Variants in NPAS3 observed in about 807,000 individuals in gnomAD.
The protein encoded by NPAS3 is neuronal PAS domain protein 3, also known as neuronal PAS domain-containing protein 3.
Under a neutral mutation model 73.1 loss-of-function variants are expected in NPAS3, and 14 were observed. The observed-to-expected ratio is 0.19, with a 90% CI of 0.13 to 0.30. The LOEUF (loss-of-function observed/expected upper bound fraction) is 0.30, where lower values mean the gene tolerates loss of function less well. Ranked by LOEUF, NPAS3 falls within the 10% of genes least tolerant of loss-of-function variation. NPAS3 has a pLI of 1.00. For synonymous variants in NPAS3, 620 were observed against 541.5 expected, an observed-to-expected ratio of 1.14 and a Z score of -2.01; for missense variants, 1,096 against 1,250.0, an observed-to-expected ratio of 0.88 and a Z score of 1.86.
chr14:33,685,577 A>G (rs192000975), intron 6 of NPAS3, among the ~76,000 whole-genome samples: 1 of 152,304 alleles, frequency 6.6e-6, no homozygotes, highest in African/African-American at 2.4e-5. Context: ...GTCCTGAGTG[A>G]GAGGTACCCC....
At chr14:33,050,488 G>A (rs1027715331) in intron 1 of NPAS3, among the ~76,000 whole-genome samples, 6 of 152,080 alleles carry the variant, frequency 3.9e-5, no homozygotes, top group Admixed American at 1.3e-4. Context: ...GGCTGTCTCC[G>A]AATTCTGCTC....
chr14:33,170,050 A>G (rs2045330239), intron 2 of NPAS3, among the ~76,000 whole-genome samples: 1 of 152,148 alleles, frequency 6.6e-6, no homozygotes, highest in Non-Finnish European at 1.5e-5. Context: ...TGCTGGGCAG[A>G]GGGGGTGTAC....
Position 33,032,190 on chromosome 14 carries a change from C to T in NPAS3, c.51-23715C>T, listed in dbSNP as rs979011209. ...AAATGTAGGAGGATTGTACATGATGCGGCTGAAGATTGCCAGACTGAACAT... is the reference window on the plus strand; with the variant it reads ...AAATGTAGGAGGATTGTACATGATGTGGCTGAAGATTGCCAGACTGAACAT... On this transcript the variant is annotated intron_variant, in intron 1 of 11. Coordinates refer to ENST00000356141, the Ensembl canonical transcript of NPAS3. 5.3e-5 allele frequency among the ~76,000 whole-genome samples: 8 copies of T among 152,254 alleles called. No homozygotes were observed. The East Asian group carries it at 5.8e-4, about 11-fold the overall frequency.
chr14:33,623,702 C>T (rs2058144681), intron 5 of NPAS3, among the ~76,000 whole-genome samples: 1 of 152,188 alleles, frequency 6.6e-6, no homozygotes, highest in African/African-American at 2.4e-5. Flanking sequence ...CCAAGGCCTC[C>T]TCCCCACACA....
chr14:33,667,174 G>A, intron 5 of NPAS3, among the ~76,000 whole-genome samples: 1 of 141,962 alleles, frequency 7.0e-6, no homozygotes, highest in Middle Eastern at 3.7e-3. Flanking sequence ...TGGTGGTAAT[G>A]TATACTTATA....
At chr14:33,502,595 C>T (rs1026652755) in intron 4 of NPAS3, among the ~76,000 whole-genome samples, 1 of 151,734 alleles carries the variant, frequency 6.6e-6, no homozygotes, top group African/African-American at 2.4e-5. Context: ...CAAATAGGTT[C>T]GTTTCTACAC....
At chr14:33,778,637 T>C (rs1490735306) in intron 9 of NPAS3, 65 bp downstream of exon 9, 5 of 1,070,196 alleles carry the variant, frequency 4.7e-6, no homozygotes, top group East Asian at 4.7e-5. Flanking sequence ...GCTTGTTTGG[T>C]TTCAGTGCTG....
At chr14:33,334,903 A>G (rs756112358) in intron 3 of NPAS3, among the ~76,000 whole-genome samples, 1 of 152,090 alleles carries the variant, frequency 6.6e-6, no homozygotes, top group Non-Finnish European at 1.5e-5. Flanking sequence ...GCCGCATGTG[A>G]GTGAGAATAT....
intron 3 of NPAS3, among the ~76,000 whole-genome samples, chr14:33,283,500 CAT>C (rs1204193245): frequency 6.6e-6 from 1 of 152,188 alleles, no homozygotes; most frequent in Non-Finnish European, 1.5e-5. Context: ...CATAGACAAA[CAT>C]ACACACAAAT....
intron 6 of NPAS3, among the ~76,000 whole-genome samples, chr14:33,683,451 A>AAAAAAAT: frequency 6.7e-6 from 1 of 149,744 alleles, no homozygotes; most frequent in Non-Finnish European, 1.5e-5. Context: ...AAAAAAAAAA[A>AAAAAAAT]GGTGGCCGTC....
At chr14:33,466,952 T>C (rs2050556090) in intron 4 of NPAS3, among the ~76,000 whole-genome samples, 1 of 152,176 alleles carries the variant, frequency 6.6e-6, no homozygotes, top group Non-Finnish European at 1.5e-5. Flanking sequence ...TTGAAGGAGG[T>C]AATAAAAGAA....
intron 1 of NPAS3, among the ~76,000 whole-genome samples, chr14:33,021,675 T>G (rs369792723): frequency 6.6e-6 from 1 of 152,194 alleles, no homozygotes; most frequent in Admixed American, 6.5e-5. Flanking sequence ...CCTAATTATT[T>G]GCACCCTAAT....
At chr14:33,766,432 T>C (rs1045725328) in intron 7 of NPAS3, among the ~76,000 whole-genome samples, 2 of 152,174 alleles carry the variant, frequency 1.3e-5, no homozygotes, top group African/African-American at 4.8e-5. Flanking sequence ...CCCTGATAAT[T>C]AACACTTTTT....
chr14:33,071,895 T>A (rs1430472318), intron 2 of NPAS3, among the ~76,000 whole-genome samples: 1 of 152,204 alleles, frequency 6.6e-6, no homozygotes, highest in African/African-American at 2.4e-5. Context: ...TTTTTTTCTT[T>A]TCTTTCTTTT....
intron 4 of NPAS3, among the ~76,000 whole-genome samples, chr14:33,491,718 A>G (rs895712059): frequency 5.9e-5 from 9 of 152,196 alleles, no homozygotes; most frequent in African/African-American, 2.2e-4. Context: ...ACTCTGCACT[A>G]TAATACTTTA....
At chr14:33,380,552 T>C (rs1408997230) in intron 4 of NPAS3, among the ~76,000 whole-genome samples, 1 of 152,160 alleles carries the variant, frequency 6.6e-6, no homozygotes, top group Non-Finnish European at 1.5e-5. Flanking sequence ...GATTTATGAT[T>C]GCAAGGTAAG....
At chr14:33,690,024 G>A (rs2060191846) in intron 6 of NPAS3, among the ~76,000 whole-genome samples, 1 of 152,162 alleles carries the variant, frequency 6.6e-6, no homozygotes, top group South Asian at 2.1e-4. Context: ...GTGCTTGACC[G>A]ATATTTTCTC....
chr14:33,677,782 TTATTCTTTACCTTTTAA>T (rs1164266430), intron 6 of NPAS3, among the ~76,000 whole-genome samples: 2 of 152,230 alleles, frequency 1.3e-5, no homozygotes, highest in African/African-American at 4.8e-5. Context: ...ATATTTAAGA[TTATTCTTTACCTTTTAA>T]AAATGAAAAT....
intron 5 of NPAS3, among the ~76,000 whole-genome samples, chr14:33,656,668 G>C (rs189075486): frequency 7.9e-5 from 12 of 152,252 alleles, no homozygotes; most frequent in Admixed American, 3.3e-4. Flanking sequence ...GGTTACTCTA[G>C]TCCAGCTAGA....
Sources: gnomAD v4.1 joint callset for allele counts (sites outside exome capture counted in the v4.1 genomes callset) on GRCh38, gnomAD v4.1.1 for gene constraint, MANE v1.5 for transcripts, NCBI Gene and HGNC (gene_info 2026-07-23, HGNC 2026-07-21) for gene names.